The following ECH1 variants were observed in gnomAD, a reference collection of about 807,000 sequenced individuals.
The protein encoded by ECH1 is enoyl-CoA hydratase 1.
Under a neutral mutation model 37.0 loss-of-function variants are expected in ECH1, and 30 were observed. The ratio of observed to expected loss-of-function variants is 0.81; its 90% CI spans 0.61 to 1.10. The LOEUF is 1.10. Ranked by LOEUF, ECH1 falls within the 50% of genes least tolerant of loss-of-function variation. ECH1 has a pLI of 0.00. For missense variants in ECH1, 456 were observed against 441.6 expected, an observed-to-expected ratio of 1.03 and a Z score of -0.29; for synonymous variants, 178 against 176.0, an observed-to-expected ratio of 1.01 and a Z score of -0.09.
chr19:38,826,845 T>C (rs556992831), intron 3 of ECH1, among the ~76,000 whole-genome samples: 1 of 152,210 alleles, frequency 6.6e-6, no homozygotes, highest in South Asian at 2.1e-4. Flanking sequence ...ATATGGATGA[T>C]TTACTTTTGG....
intron 3 of ECH1, among the ~76,000 whole-genome samples, chr19:38,827,327 T>C (rs1022954183): frequency 2.0e-5 from 3 of 152,128 alleles, no homozygotes; most frequent in Admixed American, 1.3e-4. Context: ...ATATTTTGCT[T>C]CTGGTTCAGT....
rs578103051 is a variant in ECH1 at position 38,818,135 on chromosome 19, C to G, written c.350-560G>C. Reference sequence around the variant, plus strand: ...GGCATCCCAAAGCACTGGGATTACACGTGTGAGCCACCATGCCGCATCAGA... The same window carrying G: ...GGCATCCCAAAGCACTGGGATTACAGGTGTGAGCCACCATGCCGCATCAGA... On this transcript the variant is annotated intron_variant, in intron 3 of 9. Transcript: ENST00000221418. 27 of 808,182 alleles carry G rather than the reference C, an allele frequency of 3.3e-5. No homozygotes were observed. In the African/African-American group the frequency reaches 4.7e-4, roughly 14 times the overall value. 50.1% of individuals were successfully genotyped at this position (808,182 alleles called of 1,614,324 possible). A position where few individuals can be genotyped will look rare whatever the true frequency, so the allele number is the denominator to read the frequency against.
chr19:38,815,549 C>T lies in ECH1; in HGVS notation c.*64G>A, dbSNP rs772475419. The T allele has an allele frequency of 7.2e-5, 108 of 1,490,616 alleles. No individual in the cohort carries two copies. The highest frequency in any genetic ancestry group is 9.1e-5 in the South Asian group (8 of 88,012). 92.3% of individuals were successfully genotyped at this position (1,490,616 alleles called of 1,614,324 possible). A position where few individuals can be genotyped will look rare whatever the true frequency, so the allele number is the denominator to read the frequency against. On this transcript the variant is annotated 3_prime_UTR_variant, in exon 10 of 10. Coordinates refer to ENST00000221418, the MANE Select transcript of ECH1 (RefSeq NM_001398.3). ...AGAAACAACTGTCATCGCCCATCCT[C>T]CCTTTCTGTGGATGAGGCGGGACAA...
chr19:38,818,628 C>T lies in ECH1; in HGVS notation c.350-1053G>A, dbSNP rs1035896590. 4.7e-4 allele frequency among the ~76,000 whole-genome samples: 72 copies of T among 152,156 alleles called. 1 individual carries two copies. Among genetic ancestry groups the T allele is most frequent in the Admixed American group, 4.1e-3 (63 of 15,274 alleles). The stretch of plus-strand genomic sequence containing the variant: ...TCAGCCTCCCAAGTAGCTGGGATTA[C>T]AGGCGCCCACCACCATGCCCGGCTA... On this transcript the variant is annotated intron_variant, in intron 3 of 9. Transcript: ENST00000221418.
chr19:38,831,163 C>A lies in ECH1; in HGVS notation c.264G>T (p.Glu88Asp), dbSNP rs775483566. 4.3e-6 allele frequency: 7 copies of A among 1,614,074 alleles called. No individual in the cohort carries two copies. The Admixed American group carries it at 5.0e-5, about 12-fold the overall frequency. The stretch of plus-strand genomic sequence containing the variant: ...AAATCTTGTTGAAGCACTCTACCAT[C>A]TCTCTGTGAAGCAACGAGTGAAGGG... ...RNAMNKVFWR[E>D]MVECFNKISR... Residue 88 changes from glutamate (E) to aspartate (D), a missense_variant, in exon 3 of 10, where the codon GAG (glutamate) becomes GAT (aspartate). By Grantham distance (45) the Glu-to-Asp change is conservative (BLOSUM62 2). Transcript: ENST00000221418.
chr19:38,827,465 G>A (rs57195546), intron 3 of ECH1, among the ~76,000 whole-genome samples: 18,937 of 152,038 alleles, frequency 0.12, 1,264 homozygotes, highest in South Asian at 0.29. Flanking sequence ...ACACTCTCTC[G>A]GTGTTTTTGA....
At chr19:38,820,053 CTTTTTTTTTTT>C (rs1168608450) in intron 3 of ECH1, 19 of 138,078 alleles carry the variant, frequency 1.4e-4, no homozygotes, top group Non-Finnish European at 1.8e-4. Context: ...GTCCCCCTTA[CTTTTTTTTTTT>C]TTTTTTTTTT....
intron 1 of ECH1, 79 bp downstream of exon 1, chr19:38,831,642 C>T: frequency 6.3e-7 from 1 of 1,591,212 alleles, no homozygotes; most frequent in Non-Finnish European, 8.6e-7. Context: ...TTCGTGACCC[C>T]GGATAGCCCT....
intron 3 of ECH1, chr19:38,819,246 C>T (rs527964106): frequency 1.0e-6 from 1 of 985,028 alleles, no homozygotes; most frequent in South Asian, 4.7e-5. Context: ...AGTAAAGACC[C>T]AGAGGAGAGG....
chr19:38,818,600 ACC>A (rs1971612705), intron 3 of ECH1, among the ~76,000 whole-genome samples: 1 of 151,638 alleles, frequency 6.6e-6, no homozygotes, highest in African/African-American at 2.4e-5. Flanking sequence ...TGATTCTCCT[ACC>A]TCAGCCTCCC....
chr19:38,828,860 A>G (rs1417769816), intron 3 of ECH1, among the ~76,000 whole-genome samples: 1 of 151,130 alleles, frequency 6.6e-6, no homozygotes, highest in East Asian at 2.0e-4. Context: ...TGACCTCGTG[A>G]TCCGCCTGCC....
chr19:38,815,728 G>A lies in ECH1; in HGVS notation c.883-11C>T. The stretch of plus-strand genomic sequence containing the variant: ...CATGTTCCAGGACGCCTGGTACCGA[G>A]GGTGTTGAGAGAGAACGAGGAGAGA... On this transcript the variant is annotated splice_polypyrimidine_tract_variant and intron_variant, in intron 9 of 9. Transcript: ENST00000221418. 1.2e-6 allele frequency: 2 copies of A among 1,614,084 alleles called. No homozygotes were observed. Among genetic ancestry groups the A allele is most frequent in the African/African-American group, 1.3e-5 (1 of 75,040 alleles).
intron 5 of ECH1, 55 bp downstream of exon 5, chr19:38,817,261 G>C (rs887474353): frequency 6.5e-7 from 1 of 1,529,716 alleles, no homozygotes; most frequent in Non-Finnish European, 8.8e-7. Context: ...CCGCGGCATC[G>C]GAGCAGCAGC....
chr19:38,831,277 G>C, intron 2 of ECH1, 32 bp downstream of exon 2: 1 of 1,606,468 alleles, frequency 6.2e-7, no homozygotes, highest in Non-Finnish European at 8.5e-7. Context: ...GCCTCCCCCC[G>C]CAGGCAGGCC....
intron 3 of ECH1, 153 bp from the exon 4 acceptor site, chr19:38,817,728 G>A (rs1971601536): frequency 3.0e-6 from 3 of 985,332 alleles, no homozygotes; most frequent in Non-Finnish European, 3.6e-6. Context: ...GGGATTGATT[G>A]CATGTTGGGT....
intron 3 of ECH1, among the ~76,000 whole-genome samples, chr19:38,822,743 T>C (rs530677738): frequency 2.6e-5 from 4 of 152,272 alleles, no homozygotes; most frequent in Admixed American, 1.3e-4. Flanking sequence ...CAGCTCTCTG[T>C]AAAACAGACC....
chr19:38,831,024 G>A, intron 3 of ECH1, 54 bp downstream of exon 3: 1 of 1,517,402 alleles, frequency 6.6e-7, no homozygotes, highest in Non-Finnish European at 9.2e-7. Flanking sequence ...CTGCTCCACT[G>A]TCTATTGCCA....
intron 3 of ECH1, among the ~76,000 whole-genome samples, chr19:38,819,937 G>A (rs970050139): frequency 3.3e-5 from 5 of 151,312 alleles, no homozygotes; most frequent in Non-Finnish European, 5.9e-5. Flanking sequence ...GGGCGACAGA[G>A]CAAGACCCTG....
chr19:38,825,039 T>C (rs929797784), intron 3 of ECH1, among the ~76,000 whole-genome samples: 5 of 152,246 alleles, frequency 3.3e-5, no homozygotes, highest in Admixed American at 1.3e-4. Flanking sequence ...CTACAGGGTC[T>C]AGGGCAAACT....
Sources: gnomAD v4.1 joint callset for allele counts (sites outside exome capture counted in the v4.1 genomes callset) on GRCh38, gnomAD v4.1.1 for gene constraint, MANE v1.5 for transcripts, NCBI Gene and HGNC (gene_info 2026-07-23, HGNC 2026-07-21) for gene names.